The following C13orf42 variants were observed in gnomAD, a reference collection of about 807,000 sequenced individuals.
The protein encoded by C13orf42 is uncharacterized protein C13orf42.
At chr13:51,122,469 G>A (rs1341723240) in intron 1 of C13orf42, among the ~76,000 whole-genome samples, 1 of 151,420 alleles carries the variant, frequency 6.6e-6, no homozygotes, top group African/African-American at 2.4e-5. Context: ...AGGAGGCGGA[G>A]GTTGCAGTAA....
chr13:51,145,650 C>T (rs1235514304), intron 1 of C13orf42, among the ~76,000 whole-genome samples: 6 of 152,194 alleles, frequency 3.9e-5, no homozygotes, highest in Admixed American at 1.3e-4. Context: ...TATTCAAAGT[C>T]ACTCCTCTGC....
chr13:51,126,561 T>C (rs553341587), intron 1 of C13orf42, among the ~76,000 whole-genome samples: 26 of 152,346 alleles, frequency 1.7e-4, no homozygotes, highest in African/African-American at 6.3e-4. Context: ...CATCCAGGGT[T>C]CTGTGATGCT....
intron 1 of C13orf42, among the ~76,000 whole-genome samples, chr13:51,103,058 A>G (rs974513464): frequency 2.0e-5 from 3 of 152,210 alleles, no homozygotes; most frequent in Non-Finnish European, 4.4e-5. Flanking sequence ...TAGTCAAGTC[A>G]TATCAACAAG....
intron 3 of C13orf42, 131 bp downstream of exon 3, chr13:51,085,184 AATAT>A (rs57050801): frequency 0.029 from 5,638 of 194,148 alleles, 22 homozygotes; most frequent in Non-Finnish European, 0.036. Flanking sequence ...AGCAACAACA[AATAT>A]ATATATATAT....
Position 51,110,978 on chromosome 13 carries a change from T to C in C13orf42, c.232A>G (p.Met78Val). 2.5e-6 allele frequency: 1 copy of C among 398,662 alleles called. No homozygotes were observed. The highest frequency in any genetic ancestry group is 4.4e-6 in the Non-Finnish European group (1 of 226,102). 24.7% of individuals were successfully genotyped at this position (398,662 alleles called of 1,614,324 possible). A position where few individuals can be genotyped will look rare whatever the true frequency, so the allele number is the denominator to read the frequency against. The change falls in exon 1 of 4, where the codon ATG (methionine) becomes GTG (valine). Residue 78 changes from methionine to valine, a missense_variant. Met to Val is a conservative substitution (Grantham distance 21). Transcript: ENST00000563710. ...AGGCAGTCCTGGGTGCGCGAATACA[T>C]CCACGCCCGGTCCTCCTCCTGCCGC... ...YLRQEEDRAW[M>V]YSRTQDCLQY...
intron 1 of C13orf42, among the ~76,000 whole-genome samples, chr13:51,169,196 G>A (rs2061242178): frequency 6.6e-6 from 1 of 152,164 alleles, no homozygotes; most frequent in Admixed American, 6.5e-5. Context: ...GGAAGATGAG[G>A]GAAAGTTTGG....
upstream of C13orf42, among the ~76,000 whole-genome samples, chr13:51,111,744 A>T (rs1334884249): frequency 6.6e-6 from 1 of 152,138 alleles, no homozygotes; most frequent in East Asian, 1.9e-4. Context: ...CCCAAAAATC[A>T]TGTGTTGCTC....
At chr13:51,160,831 A>G (rs1953858741) in intron 1 of C13orf42, among the ~76,000 whole-genome samples, 1 of 152,126 alleles carries the variant, frequency 6.6e-6, no homozygotes, top group Admixed American at 6.5e-5. Flanking sequence ...AATGGCAATC[A>G]CTGAAAGTAT....
chr13:51,156,036 C>G (rs925817283), intron 1 of C13orf42, among the ~76,000 whole-genome samples: 9 of 152,300 alleles, frequency 5.9e-5, no homozygotes, highest in Middle Eastern at 6.8e-3. Context: ...AACATTTTCT[C>G]TTAGGCCACC....
chr13:51,101,153 A>G (rs1452184622), intron 1 of C13orf42, among the ~76,000 whole-genome samples: 1 of 152,220 alleles, frequency 6.6e-6, no homozygotes, highest in African/African-American at 2.4e-5. Flanking sequence ...GCCAAATATT[A>G]CATGGGACAT....
At chr13:51,165,644 A>C (rs1263437972) in intron 1 of C13orf42, among the ~76,000 whole-genome samples, 3 of 152,218 alleles carry the variant, frequency 2.0e-5, no homozygotes, top group Non-Finnish European at 2.9e-5. Flanking sequence ...TTGATGGTGT[A>C]GATAGGTCAT....
At position 51,099,720 on chromosome 13, in the gene C13orf42, G is replaced by A. The variant is rs1042734203; in HGVS notation, c.414+11076C>T. Among the ~76,000 whole-genome samples the A allele has an allele frequency of 5.3e-5, 8 of 152,194 alleles. 2 individuals are homozygous for A. Among genetic ancestry groups the A allele is most frequent in the Admixed American group, 5.2e-4 (8 of 15,286 alleles). On this transcript the variant is annotated intron_variant, in intron 1 of 3. Transcript: ENST00000563710. ...CGTGACCATCGTTCACAGTGGCCTC[G>A]AACTCCTGGCCTCAAGCAATCCTCC...
At chr13:51,154,982 G>C (rs1953814073) in intron 1 of C13orf42, among the ~76,000 whole-genome samples, 1 of 152,110 alleles carries the variant, frequency 6.6e-6, no homozygotes, top group African/African-American at 2.4e-5. Context: ...GATGATCTTA[G>C]GTAGAACGTT....
intron 1 of C13orf42, among the ~76,000 whole-genome samples, chr13:51,109,371 G>A (rs74085527): frequency 0.051 from 7,787 of 152,176 alleles, 381 homozygotes; most frequent in African/African-American, 0.13. Context: ...AGACAGGCCT[G>A]CTTCAAACAT....
chr13:51,085,504 C>T lies in C13orf42; in HGVS notation c.618G>A (p.Pro206=), dbSNP rs181663777. ...SLHSNWILRA[P]RRHSEDIAAH... is the part of the protein sequence containing the mutation. The stretch of plus-strand genomic sequence containing the variant: ...CAGCGATATCCTCGGAGTGTCTGCG[C>T]GGTGCCCGCAGGATCCAGTTAGAAT... The change falls in exon 3 of 4, where the codon CCG becomes CCA. Residue 206 remains proline (P), a synonymous_variant. Transcript: ENST00000563710. 1.0e-3 allele frequency: 398 copies of T among 398,686 alleles called. 1 individual carries two copies. The highest frequency in any genetic ancestry group is 7.7e-3 in the African/African-American group (373 of 48,754). 24.7% of individuals were successfully genotyped at this position (398,686 alleles called of 1,614,324 possible).
At chr13:51,105,393 A>G (rs1467624325) in intron 1 of C13orf42, among the ~76,000 whole-genome samples, 2 of 152,236 alleles carry the variant, frequency 1.3e-5, no homozygotes, top group Non-Finnish European at 2.9e-5. Context: ...GACACATAGT[A>G]TGTGCTCAAT....
intron 1 of C13orf42, among the ~76,000 whole-genome samples, chr13:51,102,912 C>T (rs1953308639): frequency 6.6e-6 from 1 of 152,128 alleles, no homozygotes; most frequent in Admixed American, 6.5e-5. Context: ...AGTGCCACAC[C>T]TTTAAAACAA....
intron 1 of C13orf42, among the ~76,000 whole-genome samples, chr13:51,147,236 C>G (rs57687949): frequency 0.49 from 74,859 of 151,716 alleles, 18,648 homozygotes; most frequent in African/African-American, 0.56. Context: ...GTGGGGACCC[C>G]CTTTCTTATC....
intron 1 of C13orf42, among the ~76,000 whole-genome samples, chr13:51,129,800 A>G (rs1386334632): frequency 2.6e-5 from 4 of 152,324 alleles, no homozygotes; most frequent in Middle Eastern, 3.4e-3. Context: ...CTTAGGATAG[A>G]ACATGGCCTT....
Sources: allele counts gnomAD v4.1 joint callset (sites outside exome capture counted in the v4.1 genomes callset), GRCh38; gene constraint gnomAD v4.1.1; transcripts MANE v1.5; gene names NCBI Gene and HGNC (gene_info 2026-07-23, HGNC 2026-07-21).